Variants in DENND3 observed in about 807,000 individuals in gnomAD.
The protein encoded by DENND3 is DENN domain containing 3, also known as DENN domain-containing protein 3.
A neutral mutation model predicts 135.1 loss-of-function variants in DENND3; 88 were observed. The ratio of observed to expected loss-of-function variants is 0.65; its 90% CI spans 0.55 to 0.78. The LOEUF (loss-of-function observed/expected upper bound fraction) is 0.78. DENND3 is among the 30% of genes least tolerant of loss of function. DENND3 has a pLI of 0.00. For synonymous variants in DENND3, 693 were observed against 712.3 expected, an observed-to-expected ratio of 0.97 and a Z score of 0.43; for missense variants, 1,392 against 1,688.4, an observed-to-expected ratio of 0.82 and a Z score of 3.08.
Position 141,192,708 on chromosome 8 carries a change from G to A in DENND3, c.3636+45G>A, listed in dbSNP as rs756348905. ...ATCCCCAGCATCCCCGGCAGGTCTC[G>A]CTTGCCCTGGCCGCATCCCCATGCT... On this transcript the variant is annotated intron_variant, in intron 22 of 22. Coordinates refer to ENST00000519811, the MANE Select transcript of DENND3 (RefSeq NM_001352890.3). 2.1e-4 allele frequency: 340 copies of A among 1,607,666 alleles called. 1 individual carries two copies. The highest frequency in any genetic ancestry group is 4.5e-5 in the Non-Finnish European group (53 of 1,176,744).
intron 14 of DENND3, chr8:141,176,282 CAAAACAA>C (rs1822337658): frequency 1.2e-5 from 1 of 86,772 alleles, no homozygotes; most frequent in Non-Finnish European, 2.5e-5. Context: ...AAAACAAAAA[CAAAACAA>C]AAAAAAAAAA....
chr8:141,176,012 T>C (rs1822288112), intron 14 of DENND3: 2 of 181,788 alleles, frequency 1.1e-5, no homozygotes, highest in Admixed American at 1.1e-4. Flanking sequence ...CGCCTTATAG[T>C]TGTTTTCCCA....
Position 141,193,978 on chromosome 8 carries a change from G to A in DENND3, c.3637-55G>A, listed in dbSNP as rs551710051. On this transcript the variant is annotated intron_variant, in intron 22 of 22. Transcript: ENST00000519811. ...TTCTGGGTAGCCGGGCAAAGCCCTG[G>A]TGCTCTTGGGAGGGGCTTCTTTCCC... 3.8e-6 allele frequency: 6 copies of A among 1,575,776 alleles called. No individual in the cohort carries two copies. In the South Asian group the frequency reaches 5.7e-5, roughly 15 times the overall value.
Position 141,138,498 on chromosome 8 carries a change from G to T in DENND3, c.501+361G>T, listed in dbSNP as rs56393954. Among the ~76,000 whole-genome samples the T allele has an allele frequency of 0.15, 22,189 of 151,830 alleles. 2,083 individuals are homozygous for T. Among genetic ancestry groups the T allele is most frequent in the East Asian group, 0.47 (2,421 of 5,142 alleles). ...TCTCCTGGGTTCAAGTGGTTCTCCT[G>T]CCTCAGCCTCCCGAGTAGCTGGGAT... is the stretch of plus-strand genomic sequence containing the variant. On this transcript the variant is annotated intron_variant, in intron 3 of 22. Coordinates refer to ENST00000519811, the MANE Select transcript of DENND3 (RefSeq NM_001352890.3). This position sits in a 1 kb window ranked among gnomAD's most constrained non-coding sequence, Gnocchi z 4.8.
chr8:141,158,675 G>A (rs57089635), intron 8 of DENND3, among the ~76,000 whole-genome samples: 46,106 of 152,134 alleles, frequency 0.3, 7,231 homozygotes, highest in Non-Finnish European at 0.34. Context: ...CTCTCTGCAC[G>A]TGAGCGTGTG....
chr8:141,165,545 A>G (rs568652587), intron 11 of DENND3, among the ~76,000 whole-genome samples: 5 of 151,198 alleles, frequency 3.3e-5, no homozygotes, highest in African/African-American at 1.2e-4. Context: ...GCTCACTGCA[A>G]CCTCCGCCTC....
At chr8:141,136,021 A>G (rs189521053) in intron 1 of DENND3, among the ~76,000 whole-genome samples, 47 of 152,312 alleles carry the variant, frequency 3.1e-4, no homozygotes, top group African/African-American at 1.1e-3. Context: ...TTGACAATAT[A>G]CAGAGCCTGC....
chr8:141,180,634 G>A (rs1822972837), intron 16 of DENND3, 113 bp from the exon 17 acceptor site: 1 of 1,010,298 alleles, frequency 9.9e-7, no homozygotes, highest in South Asian at 1.6e-5. Flanking sequence ...CACAAATTAG[G>A]AAGTTTTACC....
Position 141,141,463 on chromosome 8 carries a change from C to G in DENND3, c.623+139C>G. On this transcript the variant is annotated intron_variant, in intron 4 of 22. Transcript: ENST00000519811. The surrounding 1 kb of genome is among the most constrained non-coding windows in gnomAD (Gnocchi z 5.3). Reference sequence around the variant, plus strand: ...TCCTGGTGAGCCGGGGGACCGGGCGCTGGGGGCAGTAGGAGGGGCAGTTCT... The same window carrying G: ...TCCTGGTGAGCCGGGGGACCGGGCGGTGGGGGCAGTAGGAGGGGCAGTTCT... The G allele has an allele frequency of 2.9e-6, 3 of 1,020,594 alleles. No homozygotes were observed. The highest frequency in any genetic ancestry group is 4.2e-6 in the Non-Finnish European group (3 of 719,478). The allele number at this position is 1,020,594 out of a possible 1,614,324, so 63.2% of individuals were successfully genotyped here.
intron 7 of DENND3, among the ~76,000 whole-genome samples, chr8:141,153,386 G>A (rs920828846): frequency 1.3e-4 from 20 of 152,148 alleles, no homozygotes; most frequent in African/African-American, 4.6e-4. Context: ...GAGCCACCAC[G>A]CCTTGCTCCA....
intron 4 of DENND3, chr8:141,142,146 A>C: frequency 2.9e-6 from 1 of 339,006 alleles, no homozygotes; most frequent in South Asian, 2.2e-5. Flanking sequence ...TATAGAACCC[A>C]GTGGGCTCTC....
chr8:141,150,983 T>C, intron 6 of DENND3, 30 bp downstream of exon 6: 1 of 1,498,314 alleles, frequency 6.7e-7, no homozygotes, highest in Non-Finnish European at 8.9e-7. Context: ...CGAGCGCGTC[T>C]TGTGCTCCCT....
rs1820821312 is a variant in DENND3 at position 141,166,549 on chromosome 8, T to C, written c.1753+160T>C. Reference sequence around the variant, plus strand: ...TTAGAATATTCATTTTGCCAAGGTATGCCTTCTAGAAAATTATTTCTCGTC... The same window carrying C: ...TTAGAATATTCATTTTGCCAAGGTACGCCTTCTAGAAAATTATTTCTCGTC... On this transcript the variant is annotated intron_variant, in intron 12 of 22. Transcript: ENST00000519811. The surrounding 1 kb of genome is among the most constrained non-coding windows in gnomAD (Gnocchi z 4.3). Among the ~76,000 whole-genome samples the C allele has an allele frequency of 6.6e-6, 1 of 152,262 alleles. No individual in the cohort carries two copies. The highest frequency in any genetic ancestry group is 1.5e-5 in the Non-Finnish European group (1 of 68,046).
At position 141,174,128 on chromosome 8, in the gene DENND3, C is replaced by T. The variant is rs1356005022; in HGVS notation, c.2276-1072C>T. On this transcript the variant is annotated intron_variant, in intron 13 of 22. Transcript: ENST00000519811. The surrounding 1 kb of genome is among the most constrained non-coding windows in gnomAD (Gnocchi z 4.6). ...AGGATGAGTGTGTGTGTGCGTGTAA[C>T]AACACGACCTGTTTGGGAGCATGCT... Among the ~76,000 whole-genome samples, 1 of 152,062 alleles carries T rather than the reference C, an allele frequency of 6.6e-6. No homozygotes were observed. Among genetic ancestry groups the T allele is most frequent in the Non-Finnish European group, 1.5e-5 (1 of 68,000 alleles).
chr8:141,132,807 A>C (rs567238166), intron 1 of DENND3, among the ~76,000 whole-genome samples: 1 of 152,304 alleles, frequency 6.6e-6, no homozygotes, highest in South Asian at 2.1e-4. Context: ...GTGACTAGAG[A>C]TAACTAGAGG....
At chr8:141,152,951 C>G (rs969115332) in intron 7 of DENND3, among the ~76,000 whole-genome samples, 1 of 152,048 alleles carries the variant, frequency 6.6e-6, no homozygotes, top group Non-Finnish European at 1.5e-5. Context: ...GCCCCCGACC[C>G]GGTGAGGAGG....
chr8:141,156,917 G>A (rs191423181), intron 8 of DENND3, among the ~76,000 whole-genome samples: 15 of 149,006 alleles, frequency 1.0e-4, no homozygotes, highest in Non-Finnish European at 2.1e-4. Context: ...TCAGCCTCCC[G>A]AGTAGCTGGG....
chr8:141,173,063 G>C (rs1256517207), intron 13 of DENND3, among the ~76,000 whole-genome samples: 1 of 68,618 alleles, frequency 1.5e-5, no homozygotes, highest in Non-Finnish European at 3.0e-5. Context: ...TGGCTGCATT[G>C]GGTGCTATTT....
Position 141,192,388 on chromosome 8 carries a change from A to C in DENND3, c.3437A>C (p.Lys1146Thr). 1 of 1,614,244 alleles carries C rather than the reference A, an allele frequency of 6.2e-7. No homozygotes were observed. Among genetic ancestry groups the C allele is most frequent in the Non-Finnish European group, 8.5e-7 (1 of 1,180,042 alleles). The change falls in exon 21 of 23, where the codon AAG becomes ACG. Residue 1146 changes from lysine (K) to threonine (T), a missense_variant. Transcript: ENST00000519811. ...AATGGATCCCTCCATCAAGAATTGA[A>C]GATTGAGGAGAACTTCAAAGACACC... ...KMNGSLHQEL[K>T]IEENFKDTST...
Sources: gnomAD v4.1 joint callset for allele counts (sites outside exome capture counted in the v4.1 genomes callset) on GRCh38, gnomAD v4.1.1 for gene constraint, Gnocchi (gnomAD v3.1) non-coding constraint, MANE v1.5 for transcripts, NCBI Gene and HGNC (gene_info 2026-07-23, HGNC 2026-07-21) for gene names.